The following CLIP4 variants were observed in gnomAD, a reference collection of about 807,000 sequenced individuals.
The protein encoded by CLIP4 is CAP-Gly domain-containing linker protein 4.
Under a neutral mutation model 73.1 loss-of-function variants are expected in CLIP4, and 47 were observed. The observed-to-expected ratio is 0.64, with a 90% CI of 0.51 to 0.82. CLIP4 has a LOEUF of 0.82. Ranked by LOEUF, CLIP4 falls within the 40% of genes least tolerant of loss-of-function variation. The pLI, the probability that CLIP4 is intolerant of heterozygous loss-of-function variation, is 0.00. For missense variants in CLIP4, 874 were observed against 852.9 expected (o/e 1.02, Z -0.31); for synonymous variants, 306 against 295.4 (o/e 1.04, Z -0.37).
At chr2:29,116,039 A>C (rs950516574) in intron 1 of CLIP4, among the ~76,000 whole-genome samples, 2 of 152,078 alleles carry the variant, frequency 1.3e-5, no homozygotes, top group Non-Finnish European at 2.9e-5. Flanking sequence ...TGGCTTTCCA[A>C]CGCGGCCTCT....
intron 6 of CLIP4, among the ~76,000 whole-genome samples, chr2:29,140,349 G>A (rs1236370337): frequency 3.9e-5 from 6 of 151,910 alleles, no homozygotes; most frequent in South Asian, 2.1e-4. Flanking sequence ...TTGTCCTTGC[G>A]ATAGTTTACT....
intron 1 of CLIP4, among the ~76,000 whole-genome samples, chr2:29,100,754 TAC>T (rs1668018376): frequency 6.6e-6 from 1 of 151,646 alleles, no homozygotes; most frequent in African/African-American, 2.4e-5. Context: ...TGTGCAAGGT[TAC>T]AGAGGCAGGA....
At chr2:29,170,003 C>T (rs946019253) in intron 14 of CLIP4, among the ~76,000 whole-genome samples, 8 of 152,274 alleles carry the variant, frequency 5.3e-5, no homozygotes, top group Middle Eastern at 3.4e-3. Flanking sequence ...TGAGTGAGAA[C>T]GTGTGATATT....
chr2:29,158,089 C>T (rs1667045430), intron 11 of CLIP4, among the ~76,000 whole-genome samples: 1 of 152,162 alleles, frequency 6.6e-6, no homozygotes, highest in African/African-American at 2.4e-5. Flanking sequence ...TCAACAATAA[C>T]ATTGACATAA....
intron 2 of CLIP4, chr2:29,130,967 G>C: frequency 8.2e-7 from 1 of 1,219,596 alleles, no homozygotes; most frequent in Non-Finnish European, 1.1e-6. Flanking sequence ...CCCCAGATTT[G>C]CCACTTACTA....
chr2:29,129,595 GT>G (rs1430113983), intron 2 of CLIP4, among the ~76,000 whole-genome samples: 1 of 152,010 alleles, frequency 6.6e-6, no homozygotes. Context: ...ACAAGTCAAG[GT>G]TACCTGCTCA....
intron 1 of CLIP4, among the ~76,000 whole-genome samples, chr2:29,107,358 G>GTT (rs796180363): frequency 0.031 from 2,023 of 65,214 alleles, 554 homozygotes; most frequent in East Asian, 0.14. Flanking sequence ...GAACATGATA[G>GTT]TTTTTTTTTT....
chr2:29,163,288 A>G (rs770688879), intron 12 of CLIP4, among the ~76,000 whole-genome samples: 2 of 151,750 alleles, frequency 1.3e-5, no homozygotes, highest in Non-Finnish European at 2.9e-5. Context: ...TTTTCTTTTT[A>G]CCTTGGGTGG....
chr2:29,140,038 ATTT>A (rs1440846977), intron 6 of CLIP4, among the ~76,000 whole-genome samples: 1 of 150,012 alleles, frequency 6.7e-6, no homozygotes, highest in Non-Finnish European at 1.5e-5. Flanking sequence ...GTTCTTATTT[ATTT>A]TTTTAACGTG....
chr2:29,181,969 A>G lies in CLIP4; in HGVS notation c.*76A>G. On this transcript the variant is annotated 3_prime_UTR_variant, in exon 16 of 16. Transcript: ENST00000320081. ...GAGTCCATGGTAAATGGTTTACTTTATTTAGCCATATTAAAATTTTGAAAA... is the reference window on the plus strand; with the variant it reads ...GAGTCCATGGTAAATGGTTTACTTTGTTTAGCCATATTAAAATTTTGAAAA... 1 of 1,246,848 alleles carries G rather than the reference A, an allele frequency of 8.0e-7. No individual in the cohort carries two copies. Among genetic ancestry groups the G allele is most frequent in the Non-Finnish European group, 1.1e-6 (1 of 909,760 alleles). The allele number at this position is 1,246,848 out of a possible 1,614,324, so 77.2% of individuals were successfully genotyped here.
intron 8 of CLIP4, 123 bp from the exon 9 acceptor site, chr2:29,152,562 C>T: frequency 1.0e-6 from 1 of 969,012 alleles, no homozygotes; most frequent in Non-Finnish European, 1.5e-6. Flanking sequence ...TTCCTCTCAT[C>T]ATAGGACATG....
chr2:29,113,130 C>T (rs185209374), upstream of CLIP4, among the ~76,000 whole-genome samples: 64 of 152,332 alleles, frequency 4.2e-4, no homozygotes, highest in Admixed American at 4.1e-3. The surrounding 1 kb of genome is among the most constrained non-coding windows in gnomAD (Gnocchi z 4.0). Context: ...GAGCAAGTCA[C>T]GCAGCCTCCC....
At chr2:29,124,958 C>G (rs1664500683) in intron 2 of CLIP4, among the ~76,000 whole-genome samples, 2 of 152,202 alleles carry the variant, frequency 1.3e-5, no homozygotes, top group African/African-American at 4.8e-5. Flanking sequence ...CTTTAATTGG[C>G]TGCCAGACAT....
chr2:29,108,095 G>C (rs1174719837), intron 1 of CLIP4, among the ~76,000 whole-genome samples: 2 of 151,944 alleles, frequency 1.3e-5, no homozygotes, highest in African/African-American at 4.8e-5. Context: ...ATCCACAGGG[G>C]ATATGTTCTA....
chr2:29,100,114 A>G (rs886722304), intron 1 of CLIP4, among the ~76,000 whole-genome samples: 61 of 151,974 alleles, frequency 4.0e-4, no homozygotes, highest in Non-Finnish European at 4.0e-4. Context: ...TTTTTTGTAG[A>G]GACAGGGTTT....
upstream of CLIP4, chr2:29,114,922 G>A (rs1474253462): frequency 1.3e-5 from 2 of 152,344 alleles, no homozygotes; most frequent in Admixed American, 6.5e-5. Flanking sequence ...CAGGCTGTCA[G>A]AGTTCACGAC....
chr2:29,140,542 G>A (rs532660855), intron 6 of CLIP4, among the ~76,000 whole-genome samples: 18 of 152,286 alleles, frequency 1.2e-4, no homozygotes, highest in African/African-American at 4.3e-4. Flanking sequence ...ATAAACATAT[G>A]TGTGCATGTG....
At chr2:29,173,940 A>G (rs923121076) in intron 14 of CLIP4, among the ~76,000 whole-genome samples, 2 of 152,232 alleles carry the variant, frequency 1.3e-5, no homozygotes, top group African/African-American at 4.8e-5. Flanking sequence ...TCAGCTTTAT[A>G]AATGTGTAAT....
At chr2:29,103,833 A>ACT (rs1289066033) in intron 1 of CLIP4, among the ~76,000 whole-genome samples, 2 of 150,920 alleles carry the variant, frequency 1.3e-5, no homozygotes, top group African/African-American at 4.9e-5. Context: ...CCTGCGTCAG[A>ACT]CTCCAGAGTA....
Sources: gnomAD v4.1 joint callset for allele counts (sites outside exome capture counted in the v4.1 genomes callset) on GRCh38, gnomAD v4.1.1 for gene constraint, Gnocchi (gnomAD v3.1) non-coding constraint, MANE v1.5 for transcripts, NCBI Gene and HGNC (gene_info 2026-07-23, HGNC 2026-07-21) for gene names.